The following GRIN3A variants were observed in gnomAD, a reference collection of about 807,000 sequenced individuals.
The protein encoded by GRIN3A is glutamate ionotropic receptor NMDA type subunit 3A.
Under a neutral mutation model 92.4 loss-of-function variants are expected in GRIN3A, and 47 were observed. The ratio of observed to expected loss-of-function variants is 0.51; its 90% CI spans 0.40 to 0.65. GRIN3A has a LOEUF of 0.65. Ranked by LOEUF, GRIN3A falls within the 30% of genes least tolerant of loss-of-function variation. The pLI is 0.00. For synonymous variants in GRIN3A, 527 were observed against 540.6 expected (o/e 0.97, Z 0.35); for missense variants, 1,324 against 1,393.1 (o/e 0.95, Z 0.79).
chr9:101,666,673 G>A (rs1321581359), intron 3 of GRIN3A, among the ~76,000 whole-genome samples: 1 of 152,004 alleles, frequency 6.6e-6, no homozygotes, highest in Admixed American at 6.6e-5. Context: ...GCATGAAACT[G>A]AACTGACTAC....
chr9:101,698,287 G>T (rs1829706938), intron 1 of GRIN3A, among the ~76,000 whole-genome samples: 1 of 152,110 alleles, frequency 6.6e-6, no homozygotes, highest in South Asian at 2.1e-4. Flanking sequence ...TTTTCTTTGA[G>T]ATGCTTGCAT....
intron 7 of GRIN3A, 108 bp downstream of exon 7, chr9:101,579,088 G>T: frequency 8.7e-7 from 1 of 1,145,434 alleles, no homozygotes; most frequent in Non-Finnish European, 1.3e-6. Context: ...CCCCACCCTC[G>T]TTATTGTGGT....
intron 5 of GRIN3A, among the ~76,000 whole-genome samples, chr9:101,619,908 T>C (rs949171888): frequency 6.6e-6 from 1 of 152,238 alleles, no homozygotes; most frequent in Non-Finnish European, 1.5e-5. Flanking sequence ...TTATGGTTTT[T>C]AATTCGACCA....
chr9:101,713,592 A>G (rs183916490), intron 1 of GRIN3A, among the ~76,000 whole-genome samples: 6 of 152,294 alleles, frequency 3.9e-5, no homozygotes. Context: ...GCTGCTGACA[A>G]CTGGGATTTG....
chr9:101,633,888 A>G (rs943251726), intron 3 of GRIN3A, among the ~76,000 whole-genome samples: 2 of 152,172 alleles, frequency 1.3e-5, no homozygotes, highest in African/African-American at 2.4e-5. Context: ...TCTAGGTGGA[A>G]GCTTAAGACT....
intron 3 of GRIN3A, among the ~76,000 whole-genome samples, chr9:101,665,884 A>G (rs1245673051): frequency 6.6e-6 from 1 of 152,014 alleles, no homozygotes; most frequent in Non-Finnish European, 1.5e-5. Context: ...TTCATCAGAC[A>G]TTAAGACACA....
chr9:101,714,760 A>T (rs1456404233), intron 1 of GRIN3A, among the ~76,000 whole-genome samples: 1 of 152,308 alleles, frequency 6.6e-6, no homozygotes, highest in East Asian at 1.9e-4. Flanking sequence ...GATGGACCCA[A>T]ATTAATCTTG....
At chr9:101,690,251 A>G (rs1256245048) in intron 1 of GRIN3A, among the ~76,000 whole-genome samples, 1 of 152,188 alleles carries the variant, frequency 6.6e-6, no homozygotes, top group Admixed American at 6.5e-5. Flanking sequence ...TTCATATTGT[A>G]TACACAAAAC....
At chr9:101,680,515 T>C (rs1408492883) in intron 2 of GRIN3A, among the ~76,000 whole-genome samples, 2 of 152,200 alleles carry the variant, frequency 1.3e-5, no homozygotes, top group Non-Finnish European at 2.9e-5. Context: ...GTCTCTAGTG[T>C]GTTGAATCAT....
intron 3 of GRIN3A, among the ~76,000 whole-genome samples, chr9:101,641,159 G>T (rs950077008): frequency 6.6e-6 from 1 of 152,216 alleles, no homozygotes; most frequent in African/African-American, 2.4e-5. Flanking sequence ...AGGATGTGGA[G>T]AAATAGGAAT....
chr9:101,693,806 T>C (rs1194472268), intron 1 of GRIN3A, among the ~76,000 whole-genome samples: 1 of 152,188 alleles, frequency 6.6e-6, no homozygotes, highest in Admixed American at 6.6e-5. Context: ...TAAAAAAGAA[T>C]GATAGTTGCA....
chr9:101,579,449 C>A (rs188626787), intron 6 of GRIN3A, 89 bp from the exon 7 acceptor site: 2 of 1,315,272 alleles, frequency 1.5e-6, no homozygotes, highest in East Asian at 2.4e-5. Context: ...GATGGATATT[C>A]ATTTTTTCTG....
chr9:101,619,966 G>T (rs1334323626), intron 5 of GRIN3A, among the ~76,000 whole-genome samples: 1 of 152,136 alleles, frequency 6.6e-6, no homozygotes, highest in Non-Finnish European at 1.5e-5. Context: ...GGTTTGCTTT[G>T]CTATATACTG....
At chr9:101,619,112 A>G (rs992445376) in intron 5 of GRIN3A, among the ~76,000 whole-genome samples, 2 of 152,238 alleles carry the variant, frequency 1.3e-5, no homozygotes, top group African/African-American at 2.4e-5. Flanking sequence ...TAGCAAATGT[A>G]TAGTTAGAAA....
rs572087308 is a variant in GRIN3A, at chr9:101,576,425, G to A, written c.3008+1343C>T. Reference sequence around the variant, plus strand: ...TTAGATCCTCAAAATAAGGGGTTCAGGAAGGGAATCTGCCAAGAAAACTGG... The same window carrying A: ...TTAGATCCTCAAAATAAGGGGTTCAAGAAGGGAATCTGCCAAGAAAACTGG... On this transcript the variant is annotated intron_variant, in intron 8 of 8. Transcript: ENST00000361820. 6.6e-5 allele frequency among the ~76,000 whole-genome samples: 10 copies of A among 152,308 alleles called. No individual in the cohort carries two copies. In the South Asian group the frequency reaches 2.1e-3, roughly 32 times the overall value.
intron 3 of GRIN3A, among the ~76,000 whole-genome samples, chr9:101,669,440 A>T (rs1696956442): frequency 6.6e-6 from 1 of 152,006 alleles, no homozygotes; most frequent in Non-Finnish European, 1.5e-5. Flanking sequence ...ATGTCCTTGG[A>T]CTGCTGGCAC....
chr9:101,681,306 T>C (rs1829463576), intron 2 of GRIN3A, among the ~76,000 whole-genome samples: 1 of 152,248 alleles, frequency 6.6e-6, no homozygotes, highest in Non-Finnish European at 1.5e-5. Context: ...TTTTATACTG[T>C]ATTACTTTAT....
intron 1 of GRIN3A, among the ~76,000 whole-genome samples, chr9:101,722,697 A>C (rs1476504342): frequency 2.6e-5 from 4 of 152,140 alleles, no homozygotes; most frequent in Admixed American, 6.5e-5. Context: ...GCCCTGCTGG[A>C]TTTTGGACTT....
intron 1 of GRIN3A, among the ~76,000 whole-genome samples, chr9:101,697,745 C>A (rs1268182908): frequency 6.6e-6 from 1 of 152,110 alleles, no homozygotes; most frequent in Admixed American, 6.6e-5. Flanking sequence ...ATATCAAACT[C>A]TTGTACAGTT....
Sources: allele counts gnomAD v4.1 joint callset (sites outside exome capture counted in the v4.1 genomes callset), GRCh38; gene constraint gnomAD v4.1.1; transcripts MANE v1.5; gene names NCBI Gene and HGNC (gene_info 2026-07-23, HGNC 2026-07-21).